The following COMMD1 variants were observed in gnomAD, a reference collection of about 807,000 sequenced individuals.
COMMD1 encodes the protein copper metabolism domain containing 1.
In COMMD1, 10 loss-of-function variants were observed where a neutral mutation model predicts 17.2. The ratio of observed to expected loss-of-function variants is 0.58; its 90% confidence interval spans 0.36 to 0.99. The LOEUF (loss-of-function observed/expected upper bound fraction) is 0.99, where lower values mean the gene tolerates loss of function less well. Among genes scored for constraint, COMMD1 ranks in the 50% least tolerant of loss-of-function variants. The pLI is 0.01. For missense variants in COMMD1, 270 were observed against 231.8 expected (o/e 1.17, Z -1.07); for synonymous variants, 97 against 91.6 (o/e 1.06, Z -0.34).
At chr2:61,965,826 G>A (rs1237643110) in intron 1 of COMMD1, among the ~76,000 whole-genome samples, 1 of 152,072 alleles carries the variant, frequency 6.6e-6, no homozygotes, top group South Asian at 2.1e-4. Flanking sequence ...TTAGTTCTTC[G>A]CTTTTAAGGA....
At chr2:62,000,622 A>G in intron 1 of COMMD1, 79 bp from the exon 2 acceptor site, 1 of 1,358,616 alleles carries the variant, frequency 7.4e-7, no homozygotes, top group Non-Finnish European at 1.0e-6. Context: ...CACTCAAAAT[A>G]TAATCTGTAG....
chr2:61,909,819 C>T (rs1215126715), intron 1 of COMMD1, among the ~76,000 whole-genome samples: 2 of 152,170 alleles, frequency 1.3e-5, no homozygotes, highest in Non-Finnish European at 2.9e-5. Context: ...AGCGGACACA[C>T]GTGTTAACAG....
At chr2:61,912,627 C>T (rs1225991044) in intron 1 of COMMD1, among the ~76,000 whole-genome samples, 1 of 151,334 alleles carries the variant, frequency 6.6e-6, no homozygotes, top group African/African-American at 2.4e-5. Flanking sequence ...CCCAGCTACT[C>T]AGGAGGCTGA....
At chr2:61,966,194 C>T (rs539302858) in intron 1 of COMMD1, among the ~76,000 whole-genome samples, 1 of 152,206 alleles carries the variant, frequency 6.6e-6, no homozygotes, top group East Asian at 1.9e-4. Context: ...TTCCACCTAT[C>T]GCCAGATTTG....
At chr2:61,888,411 T>C, upstream of COMMD1, 2 of 1,613,086 alleles carry the variant, frequency 1.2e-6, no homozygotes, top group Admixed American at 1.7e-5. Flanking sequence ...CTGAAGCGGA[T>C]CTGGGCTGGC....
intron 1 of COMMD1, among the ~76,000 whole-genome samples, chr2:61,953,832 A>C (rs1246280549): frequency 6.6e-6 from 1 of 152,158 alleles, no homozygotes; most frequent in Admixed American, 6.5e-5. Flanking sequence ...AATAATTTTT[A>C]ATTTTTAATT....
chr2:62,087,398 G>A (rs774583566), intron 2 of COMMD1, among the ~76,000 whole-genome samples: 31 of 152,120 alleles, frequency 2.0e-4, no homozygotes, highest in Non-Finnish European at 4.1e-4. Context: ...AGAAAAACAG[G>A]ACACAATGTT....
At chr2:61,975,600 T>C (rs1006253783) in intron 1 of COMMD1, among the ~76,000 whole-genome samples, 5 of 152,202 alleles carry the variant, frequency 3.3e-5, no homozygotes, top group Admixed American at 6.5e-5. Context: ...TGTAAATTTC[T>C]TTATAAGCAC....
intron 2 of COMMD1, among the ~76,000 whole-genome samples, chr2:62,072,013 C>A (rs1445787621): frequency 1.3e-5 from 2 of 151,574 alleles, no homozygotes; most frequent in Non-Finnish European, 2.9e-5. Context: ...TTTAATTAAC[C>A]CAGTATAATG....
At chr2:62,052,712 T>C (rs149988454) in intron 2 of COMMD1, among the ~76,000 whole-genome samples, 42 of 152,312 alleles carry the variant, frequency 2.8e-4, no homozygotes, top group African/African-American at 1.0e-3. Flanking sequence ...AGCTAACTAG[T>C]GGTCATGTTT....
At chr2:62,065,862 T>G (rs1295269116) in intron 2 of COMMD1, among the ~76,000 whole-genome samples, 1 of 152,208 alleles carries the variant, frequency 6.6e-6, no homozygotes, top group Non-Finnish European at 1.5e-5. Context: ...TGTGATGATT[T>G]GAATTGTTAT....
intron 1 of COMMD1, among the ~76,000 whole-genome samples, chr2:61,926,071 C>T (rs776142649): frequency 2.0e-4 from 31 of 151,826 alleles, no homozygotes; most frequent in Non-Finnish European, 2.9e-4. Flanking sequence ...CCTGGGTTCA[C>T]GCCATTCTCC....
chr2:62,042,074 A>C (rs980092045), intron 2 of COMMD1, among the ~76,000 whole-genome samples: 14 of 152,128 alleles, frequency 9.2e-5, no homozygotes, highest in African/African-American at 3.4e-4. Context: ...GGTCCATTTT[A>C]CAGAGCACCG....
At chr2:62,023,673 C>CG (rs1669675159) in intron 2 of COMMD1, among the ~76,000 whole-genome samples, 1 of 151,990 alleles carries the variant, frequency 6.6e-6, no homozygotes. Context: ...TTAGTAGAGA[C>CG]GGGGTTTCAC....
chr2:62,007,215 G>GA (rs1383910734), intron 2 of COMMD1, among the ~76,000 whole-genome samples: 3 of 151,992 alleles, frequency 2.0e-5, no homozygotes, highest in African/African-American at 7.2e-5. Flanking sequence ...GTTTTTAGCA[G>GA]ACCTATAGAG....
At chr2:61,986,223 T>C (rs1346080681) in intron 1 of COMMD1, among the ~76,000 whole-genome samples, 1 of 152,034 alleles carries the variant, frequency 6.6e-6, no homozygotes, top group Non-Finnish European at 1.5e-5. Flanking sequence ...ATTATAAGGG[T>C]TCCACTGAAA....
chr2:62,076,759 A>G (rs1355753727), intron 2 of COMMD1, among the ~76,000 whole-genome samples: 1 of 152,214 alleles, frequency 6.6e-6, no homozygotes, highest in African/African-American at 2.4e-5. Flanking sequence ...AAATAAAGAA[A>G]GAGTAGTAAA....
chr2:62,041,472 C>A (rs1383144838), intron 2 of COMMD1, among the ~76,000 whole-genome samples: 1 of 152,180 alleles, frequency 6.6e-6, no homozygotes, highest in Non-Finnish European at 1.5e-5. Flanking sequence ...GTGGTGCTAT[C>A]ATAGCTCACT....
At chr2:62,128,231 G>A (rs1010646458) in intron 2 of COMMD1, among the ~76,000 whole-genome samples, 11 of 152,100 alleles carry the variant, frequency 7.2e-5, no homozygotes, top group Admixed American at 5.2e-4. Context: ...GGGAGGCTAA[G>A]GCATGAGAAT....
Sources: allele counts gnomAD v4.1 joint callset (sites outside exome capture counted in the v4.1 genomes callset), GRCh38; gene constraint gnomAD v4.1.1; transcripts MANE v1.5; gene names NCBI Gene and HGNC (gene_info 2026-07-23, HGNC 2026-07-21).